The following TENM1 variants were observed in gnomAD, a reference collection of about 807,000 sequenced individuals.
TENM1 encodes the protein teneurin transmembrane protein 1.
TENM1 carries 35 observed loss-of-function variants against 174.8 expected under a neutral mutation model. The ratio of observed to expected loss-of-function variants is 0.20; its 90% CI spans 0.15 to 0.27. The LOEUF (loss-of-function observed/expected upper bound fraction) is 0.27, where lower values mean the gene tolerates loss of function less well. Among genes scored for constraint, TENM1 ranks in the 10% least tolerant of loss-of-function variants. The pLI is 1.00. For missense variants in TENM1, 1,633 were observed against 2,130.1 expected, an observed-to-expected ratio of 0.77 and a Z score of 4.59; for synonymous variants, 781 against 798.7, an observed-to-expected ratio of 0.98 and a Z score of 0.37.
At chrX:124,401,177 ATT>A (rs908039769) in intron 27 of TENM1, among the ~76,000 whole-genome samples, 1 of 110,281 alleles carries the variant, frequency 9.1e-6, no homozygotes, top group African/African-American at 3.3e-5. Flanking sequence ...TCCTTTTCTG[ATT>A]TTTTTTTCTT....
chrX:124,988,103 T>C, the TENM1 span, among the ~76,000 whole-genome samples: 1 of 111,137 alleles, frequency 9.0e-6, no homozygotes, highest in South Asian at 3.7e-4. Context: ...GACAGAGCAG[T>C]GATTATAGAG....
At chrX:124,826,189 C>T (rs748999097) in intron 3 of TENM1, among the ~76,000 whole-genome samples, 3 of 110,668 alleles carry the variant, frequency 2.7e-5, no homozygotes, top group South Asian at 7.7e-4. Context: ...GTGGGCAGAT[C>T]GCTTGAACCC....
intron 20 of TENM1, among the ~76,000 whole-genome samples, chrX:124,496,284 C>T (rs1569534736): frequency 1.8e-5 from 2 of 111,427 alleles, no homozygotes; most frequent in Non-Finnish European, 3.8e-5. Context: ...CTTCCCTTTT[C>T]TATAACACCA....
chrX:124,387,561 A>T (rs1465183459), intron 28 of TENM1, among the ~76,000 whole-genome samples: 1 of 112,386 alleles, frequency 8.9e-6, no homozygotes, highest in Non-Finnish European at 1.9e-5. Context: ...AGCACAAATT[A>T]TATAAATATT....
the TENM1 span, among the ~76,000 whole-genome samples, chrX:125,089,947 A>G: frequency 9.0e-6 from 1 of 111,467 alleles, no homozygotes; most frequent in South Asian, 3.8e-4. Context: ...CAAGTGTTCC[A>G]TCATTGTCAG....
chrX:124,412,023 A>G (rs889090572), intron 25 of TENM1: 5 of 112,390 alleles, frequency 4.4e-5, no homozygotes, highest in Non-Finnish European at 9.4e-5. Context: ...CCAGGCTGCA[A>G]ATTATAGCTG....
Position 124,405,146 on chromosome X carries a change from G to A in TENM1, c.5276C>T (p.Thr1759Ile). The stretch of plus-strand genomic sequence containing the variant: ...CAATGAGATGTTGCATTTGCCCAGG[G>A]TAGGGTTGACTGCCCCTGCCAGGAT... The change falls in exon 27 of 32, where the codon ACC becomes ATC. Residue 1759 changes from threonine (T) to isoleucine (I), a missense_variant. Physicochemically the swap from Thr to Ile is moderately conservative, Grantham distance 89. Coordinates refer to ENST00000422452, the Ensembl canonical transcript of TENM1. 1 of 1,211,691 alleles carries A rather than the reference G, an allele frequency of 8.3e-7. No homozygotes were observed. The highest frequency in any genetic ancestry group is 1.1e-6 in the Non-Finnish European group (1 of 895,434).
chrX:124,380,540 C>T (rs1339780634), exon 32 of TENM1: 2 of 1,187,117 alleles, frequency 1.7e-6, no homozygotes, highest in Non-Finnish European at 2.3e-6. Flanking sequence ...TTTTTGTTAC[C>T]TCCTGCCTAT....
chrX:124,743,729 T>C (rs763461158), intron 3 of TENM1, among the ~76,000 whole-genome samples: 2 of 111,706 alleles, frequency 1.8e-5, no homozygotes, highest in East Asian at 2.8e-4. Context: ...GCTGTGTTAA[T>C]TTCTGTCAGT....
At chrX:124,671,715 C>T (rs867278872) in exon 6 of TENM1, 3 of 1,207,356 alleles carry the variant, frequency 2.5e-6, no homozygotes, top group East Asian at 3.0e-5. Context: ...AACTTTTCCT[C>T]CAATTGGAGA....
At position 124,651,061 on chromosome X, in the gene TENM1, A is replaced by G. The variant is rs144663087; in HGVS notation, c.1579+853T>C. ...GCTGAACAGGTTAACTAAAGGATAA[A>G]GTGGTGAGGATTGTATTGAAAATTG... On this transcript the variant is annotated intron_variant, in intron 8 of 31. Transcript: ENST00000422452. 7.5e-3 allele frequency among the ~76,000 whole-genome samples: 845 copies of G among 112,171 alleles called. 8 individuals are homozygous for G. The highest frequency in any genetic ancestry group is 0.026 in the African/African-American group (791 of 30,926).
chrX:124,587,300 T>C (rs1441367176), intron 11 of TENM1, among the ~76,000 whole-genome samples: 60 of 110,163 alleles, frequency 5.4e-4, no homozygotes, highest in African/African-American at 2.0e-3. Flanking sequence ...ACTACAAGGC[T>C]ACAGTAACCA....
chrX:124,446,852 A>T (rs2060970476), intron 23 of TENM1, among the ~76,000 whole-genome samples: 1 of 112,404 alleles, frequency 8.9e-6, no homozygotes, highest in Admixed American at 9.4e-5. Context: ...GAAAAGTTTC[A>T]AAAGGTGGGA....
At chrX:125,078,359 A>G in the TENM1 span, among the ~76,000 whole-genome samples, 1 of 111,929 alleles carries the variant, frequency 8.9e-6, no homozygotes, top group Non-Finnish European at 1.9e-5. Flanking sequence ...AGTGTTTGCA[A>G]TTAGTGAGCA....
intron 14 of TENM1, among the ~76,000 whole-genome samples, chrX:124,551,528 C>CCACACACACA (rs200848099): frequency 9.8e-6 from 1 of 101,776 alleles, no homozygotes; most frequent in African/African-American, 3.6e-5. Context: ...ACACACACAC[C>CCACACACACA]CACACACACA....
At chrX:124,490,114 G>T (rs6655794) in intron 20 of TENM1, among the ~76,000 whole-genome samples, 4,801 of 111,810 alleles carry the variant, frequency 0.043, 252 homozygotes, top group African/African-American at 0.15. Context: ...AGCTTGATGA[G>T]CCATTCTAAA....
intron 27 of TENM1, among the ~76,000 whole-genome samples, chrX:124,403,802 C>T (rs1342115351): frequency 9.0e-6 from 1 of 111,719 alleles, no homozygotes; most frequent in Non-Finnish European, 1.9e-5. Flanking sequence ...TGACTCATTC[C>T]GATTACCTGC....
intron 3 of TENM1, among the ~76,000 whole-genome samples, chrX:124,864,491 G>A (rs1291996487): frequency 3.6e-5 from 4 of 111,833 alleles, no homozygotes. Flanking sequence ...ACAGCAGAAC[G>A]GATCAAGCAA....
intron 22 of TENM1, among the ~76,000 whole-genome samples, chrX:124,462,657 A>G (rs960885875): frequency 3.6e-5 from 4 of 111,426 alleles, no homozygotes; most frequent in Non-Finnish European, 7.5e-5. Flanking sequence ...TTCTCCAATC[A>G]TGATCCATGT....
Sources: gnomAD v4.1 joint callset for allele counts (sites outside exome capture counted in the v4.1 genomes callset) on GRCh38, gnomAD v4.1.1 for gene constraint, MANE v1.5 for transcripts, NCBI Gene and HGNC (gene_info 2026-07-23, HGNC 2026-07-21) for gene names.